Variants in DNAH14 observed in about 807,000 individuals in gnomAD.
The protein encoded by DNAH14 is dynein axonemal heavy chain 14.
Under a neutral mutation model 520.9 loss-of-function variants are expected in DNAH14, and 478 were observed. The observed-to-expected ratio is 0.92, with a 90% CI of 0.85 to 0.99. The LOEUF (loss-of-function observed/expected upper bound fraction) is 0.99, where lower values mean the gene tolerates loss of function less well. Among genes scored for constraint, DNAH14 ranks in the 50% least tolerant of loss-of-function variants. The pLI is 0.00. For synonymous variants in DNAH14, 1,581 were observed against 1,757.2 expected, an observed-to-expected ratio of 0.90 and a Z score of 2.51; for missense variants, 4,831 against 5,234.5, an observed-to-expected ratio of 0.92 and a Z score of 2.38.
chr1:225,274,538 G>A (rs2093418476), intron 52 of DNAH14, among the ~76,000 whole-genome samples: 1 of 152,166 alleles, frequency 6.6e-6, no homozygotes, highest in South Asian at 2.1e-4. Flanking sequence ...ATTCTGACTG[G>A]TGTTAGATGG....
chr1:225,126,025 G>A (rs948575752), intron 27 of DNAH14, among the ~76,000 whole-genome samples: 1 of 152,092 alleles, frequency 6.6e-6, no homozygotes, highest in Non-Finnish European at 1.5e-5. Context: ...AAGAAGATAA[G>A]ACACAAACAG....
intron 2 of DNAH14, among the ~76,000 whole-genome samples, 179 bp from the exon 3 acceptor site, chr1:224,954,780 T>TA (rs1443531089): frequency 2.0e-5 from 3 of 152,208 alleles, no homozygotes; most frequent in Non-Finnish European, 4.4e-5. Context: ...TATTATATTG[T>TA]ATTGTTCAGA....
intron 48 of DNAH14, 146 bp downstream of exon 48, chr1:225,265,515 G>T (rs763316782): frequency 4.8e-6 from 3 of 620,836 alleles, no homozygotes; most frequent in Non-Finnish European, 7.7e-6. Flanking sequence ...CAGAAACTTT[G>T]ATTTTCAGAT....
intron 41 of DNAH14, among the ~76,000 whole-genome samples, chr1:225,223,733 C>T (rs543145120): frequency 1.3e-5 from 2 of 152,260 alleles, no homozygotes; most frequent in Admixed American, 6.5e-5. Context: ...TTTGCATTTA[C>T]CACACCAGCT....
intron 32 of DNAH14, 42 bp from the exon 33 acceptor site, chr1:225,152,655 A>G (rs1348693435): frequency 6.8e-7 from 1 of 1,475,338 alleles, no homozygotes; most frequent in African/African-American, 1.4e-5. Context: ...TGAAAAATTG[A>G]GAAGTGGTGT....
chr1:225,032,948 TTTAAG>T (rs398053854), intron 11 of DNAH14, among the ~76,000 whole-genome samples: 1 of 13,280 alleles, frequency 7.5e-5, no homozygotes, highest in Non-Finnish European at 4.6e-3. Context: ...TGTAAATTTG[TTTAAG>T]TTCCTTATAT....
intron 36 of DNAH14, among the ~76,000 whole-genome samples, chr1:225,168,654 A>G (rs2082287320): frequency 6.6e-6 from 1 of 152,168 alleles, no homozygotes; most frequent in Non-Finnish European, 1.5e-5. Flanking sequence ...GCGGCCTGGA[A>G]TCTCAAACTG....
At chr1:225,095,931 T>C (rs2074923177) in intron 21 of DNAH14, among the ~76,000 whole-genome samples, 1 of 152,096 alleles carries the variant, frequency 6.6e-6, no homozygotes, top group Admixed American at 6.6e-5. Flanking sequence ...ATTTCACAGG[T>C]AGAACATGTT....
chr1:224,941,097 C>G (rs888238559), intron 1 of DNAH14, among the ~76,000 whole-genome samples: 17 of 152,256 alleles, frequency 1.1e-4, no homozygotes, highest in African/African-American at 1.9e-4. Flanking sequence ...TCACCACACT[C>G]ACTTCCACAA....
At chr1:225,215,063 C>T (rs1238770249) in intron 41 of DNAH14, among the ~76,000 whole-genome samples, 5 of 152,204 alleles carry the variant, frequency 3.3e-5, no homozygotes, top group Non-Finnish European at 7.3e-5. Flanking sequence ...AAATTTCCCT[C>T]TACACACTGC....
chr1:225,185,469 C>CA, intron 37 of DNAH14, 44 bp downstream of exon 37: 1 of 1,466,314 alleles, frequency 6.8e-7, no homozygotes, highest in South Asian at 1.4e-5. Flanking sequence ...TTGTTCATAT[C>CA]TTATTTTACA....
intron 57 of DNAH14, 144 bp downstream of exon 57, chr1:225,303,491 A>C: frequency 3.0e-6 from 2 of 672,164 alleles, no homozygotes; most frequent in South Asian, 2.3e-5. Flanking sequence ...GTTTACAATG[A>C]CTCCCTATTA....
chr1:225,375,624 A>G (rs1167066850), intron 78 of DNAH14, among the ~76,000 whole-genome samples: 2 of 152,186 alleles, frequency 1.3e-5, no homozygotes, highest in Non-Finnish European at 2.9e-5. Context: ...TATTTTAGGG[A>G]GATTCATTTG....
At chr1:225,354,305 G>A in intron 73 of DNAH14, 2 of 699,766 alleles carry the variant, frequency 2.9e-6, no homozygotes. Flanking sequence ...TTCTGTATGA[G>A]GAAGCACATT....
intron 64 of DNAH14, among the ~76,000 whole-genome samples, chr1:225,326,953 C>T (rs60228869): frequency 0.24 from 36,258 of 151,918 alleles, 4,538 homozygotes; most frequent in East Asian, 0.35. Context: ...ACCTGAACAA[C>T]TCAGTAAACC....
chr1:225,389,061 T>C (rs915241803), intron 82 of DNAH14, among the ~76,000 whole-genome samples: 1 of 152,216 alleles, frequency 6.6e-6, no homozygotes, highest in Non-Finnish European at 1.5e-5. Flanking sequence ...CCCAGCCACA[T>C]GTAATTTTTA....
intron 1 of DNAH14, among the ~76,000 whole-genome samples, chr1:224,946,315 G>T (rs2059826149): frequency 6.6e-6 from 1 of 152,102 alleles, no homozygotes. Flanking sequence ...TAGTCTCCTG[G>T]TGTGCCATTT....
At chr1:224,975,663 C>T (rs1416065083) in intron 8 of DNAH14, among the ~76,000 whole-genome samples, 1 of 150,966 alleles carries the variant, frequency 6.6e-6, no homozygotes, top group African/African-American at 2.5e-5. Flanking sequence ...TTTGTTGATC[C>T]TTTCAAAAAA....
chr1:225,083,448 C>T lies in DNAH14; in HGVS notation c.3327+709C>T, dbSNP rs2073375935. On this transcript the variant is annotated intron_variant, in intron 20 of 85. Coordinates refer to ENST00000682510, the MANE Select transcript of DNAH14 (RefSeq NM_001367479.1). ...TTGTAAAACTTAGATTATTTTATAT[C>T]GCCAGCCCTAATCTCAACTTTCTCG... Among the ~76,000 whole-genome samples the T allele has an allele frequency of 2.0e-5, 3 of 152,172 alleles. 1 individual carries two copies. Among genetic ancestry groups the T allele is most frequent in the Admixed American group, 1.3e-4 (2 of 15,294 alleles).
Sources: gnomAD v4.1 joint callset for allele counts (sites outside exome capture counted in the v4.1 genomes callset) on GRCh38, gnomAD v4.1.1 for gene constraint, MANE v1.5 for transcripts, NCBI Gene and HGNC (gene_info 2026-07-23, HGNC 2026-07-21) for gene names.